The following ZNF280D variants were observed in gnomAD, a reference collection of about 807,000 sequenced individuals.
ZNF280D encodes zinc finger protein 280D.
Under a neutral mutation model 94.7 loss-of-function variants are expected in ZNF280D, and 39 were observed. The ratio of observed to expected loss-of-function variants is 0.41; its 90% CI spans 0.32 to 0.54. The LOEUF (loss-of-function observed/expected upper bound fraction) is 0.54, where lower values mean the gene tolerates loss of function less well. Ranked by LOEUF, ZNF280D falls within the 20% of genes least tolerant of loss-of-function variation. The pLI is 0.22. For synonymous variants in ZNF280D, 398 were observed against 377.6 expected, an observed-to-expected ratio of 1.05 and a Z score of -0.63; for missense variants, 1,090 against 1,149.3, an observed-to-expected ratio of 0.95 and a Z score of 0.75.
At chr15:56,661,002 G>C (rs572204971) in intron 16 of ZNF280D, among the ~76,000 whole-genome samples, 123 of 152,034 alleles carry the variant, frequency 8.1e-4, no homozygotes, top group Non-Finnish European at 8.1e-4. Flanking sequence ...AAAGGGGATG[G>C]CACAGAATGA....
chr15:56,643,747 T>C (rs891962886), intron 19 of ZNF280D, among the ~76,000 whole-genome samples: 8 of 151,924 alleles, frequency 5.3e-5, no homozygotes, highest in Non-Finnish European at 1.2e-4. Flanking sequence ...AACTCAATTT[T>C]AATCTGTGTA....
intron 16 of ZNF280D, among the ~76,000 whole-genome samples, chr15:56,659,991 T>C (rs2053824830): frequency 6.6e-6 from 1 of 152,128 alleles, no homozygotes; most frequent in Non-Finnish European, 1.5e-5. Flanking sequence ...TATGTGTCAC[T>C]AGCTATAATC....
intron 20 of ZNF280D, among the ~76,000 whole-genome samples, chr15:56,637,169 ATT>A (rs10659333): frequency 5.8e-5 from 8 of 138,438 alleles, no homozygotes; most frequent in African/African-American, 1.1e-4. Context: ...TCCAGAATGA[ATT>A]TTTTTTTTTT....
At chr15:56,727,420 T>C (rs1168979202) in intron 1 of ZNF280D, among the ~76,000 whole-genome samples, 1 of 152,124 alleles carries the variant, frequency 6.6e-6, no homozygotes, top group Non-Finnish European at 1.5e-5. Flanking sequence ...GATCACGCCA[T>C]TGCATTCCAG....
At chr15:56,703,347 T>C (rs980067830) in intron 4 of ZNF280D, among the ~76,000 whole-genome samples, 4 of 152,168 alleles carry the variant, frequency 2.6e-5, no homozygotes, top group Non-Finnish European at 5.9e-5. Context: ...GCAGCTTCTA[T>C]TGGTACACAG....
At chr15:56,680,956 G>C (rs2055576284) in intron 10 of ZNF280D, among the ~76,000 whole-genome samples, 1 of 152,104 alleles carries the variant, frequency 6.6e-6, no homozygotes, top group Non-Finnish European at 1.5e-5. Flanking sequence ...AGAAATAGGT[G>C]GTAGAGTTCT....
chr15:56,674,521 C>T (rs1188607001), intron 13 of ZNF280D, among the ~76,000 whole-genome samples: 4 of 152,002 alleles, frequency 2.6e-5, no homozygotes, highest in Admixed American at 1.3e-4. Context: ...AATGTGAAAT[C>T]CAACTCTGGT....
At chr15:56,639,631 T>C (rs192009888) in intron 20 of ZNF280D, among the ~76,000 whole-genome samples, 20 of 152,284 alleles carry the variant, frequency 1.3e-4, no homozygotes, top group Admixed American at 1.3e-3. Context: ...TATAAGAAGA[T>C]AGTAAAAACA....
chr15:56,651,277 C>T (rs1455018288), intron 19 of ZNF280D, among the ~76,000 whole-genome samples: 1 of 152,160 alleles, frequency 6.6e-6, no homozygotes, highest in Non-Finnish European at 1.5e-5. Flanking sequence ...GAACCAATCA[C>T]ATATTTTATT....
At chr15:56,724,954 G>A (rs1596697028) in intron 1 of ZNF280D, 1 of 445,032 alleles carries the variant, frequency 2.2e-6, no homozygotes, top group East Asian at 7.0e-5. Context: ...GCAGCAGTCA[G>A]CAATCCTGTA....
intron 3 of ZNF280D, among the ~76,000 whole-genome samples, chr15:56,704,913 G>A (rs1335499749): frequency 4.6e-5 from 7 of 152,104 alleles, no homozygotes; most frequent in Non-Finnish European, 7.4e-5. Context: ...AATCTAGGAG[G>A]TGGAGGTTGC....
At position 56,668,973 on chromosome 15, in the gene ZNF280D, C is replaced by T; in HGVS notation, c.1411-16G>A. On this transcript the variant is annotated splice_polypyrimidine_tract_variant and intron_variant, in intron 13 of 21. Transcript: ENST00000267807. ...TTCCTTTTTTCTGTTTAGAAAAAAA[C>T]AGAAAAAGGGGGAAAAATAATTTCA... 6.3e-7 allele frequency: 1 copy of T among 1,591,990 alleles called. No individual in the cohort carries two copies. The highest frequency in any genetic ancestry group is 1.2e-5 in the South Asian group (1 of 86,172).
At chr15:56,669,987 T>TATATATATA (rs2054722560) in intron 13 of ZNF280D, among the ~76,000 whole-genome samples, 1 of 1,940 alleles carries the variant, frequency 5.2e-4, no homozygotes, top group Non-Finnish European at 1.1e-3. Context: ...ATATATATTA[T>TATATATATA]ATATATATAT....
intron 21 of ZNF280D, among the ~76,000 whole-genome samples, chr15:56,633,854 A>C (rs1408272811): frequency 3.1e-5 from 3 of 97,800 alleles, no homozygotes; most frequent in Admixed American, 2.8e-4. Flanking sequence ...AATAGTGAGA[A>C]AAATATAAAT....
At chr15:56,670,900 C>G (rs1423366169) in intron 13 of ZNF280D, among the ~76,000 whole-genome samples, 2 of 151,894 alleles carry the variant, frequency 1.3e-5, no homozygotes, top group Non-Finnish European at 2.9e-5. Context: ...TGGTATCTCA[C>G]TGTAGTTTTG....
intron 1 of ZNF280D, among the ~76,000 whole-genome samples, chr15:56,727,670 A>G (rs1302486939): frequency 1.3e-5 from 2 of 152,204 alleles, no homozygotes; most frequent in Non-Finnish European, 2.9e-5. Context: ...TTTTCTGCCC[A>G]AAATGGAAGA....
intron 20 of ZNF280D, among the ~76,000 whole-genome samples, chr15:56,637,311 T>A (rs1242617357): frequency 6.6e-6 from 1 of 151,932 alleles, no homozygotes; most frequent in Non-Finnish European, 1.5e-5. Context: ...TAGCTAGGAC[T>A]ACACAGTATG....
At chr15:56,690,441 C>T (rs2056359664) in intron 7 of ZNF280D, among the ~76,000 whole-genome samples, 1 of 152,074 alleles carries the variant, frequency 6.6e-6, no homozygotes, top group Non-Finnish European at 1.5e-5. Flanking sequence ...GATTTTCACA[C>T]ATAATGGAAG....
At chr15:56,702,010 G>C (rs1434353196) in intron 4 of ZNF280D, among the ~76,000 whole-genome samples, 1 of 107,894 alleles carries the variant, frequency 9.3e-6, no homozygotes. Context: ...GTTAGAAAAA[G>C]GTAAAAAGCA....
Sources: allele counts gnomAD v4.1 joint callset (sites outside exome capture counted in the v4.1 genomes callset), GRCh38; gene constraint gnomAD v4.1.1; transcripts MANE v1.5; gene names NCBI Gene and HGNC (gene_info 2026-07-23, HGNC 2026-07-21).